Variants in SHROOM3 observed in about 807,000 individuals in gnomAD.
The protein encoded by SHROOM3 is protein Shroom3.
In SHROOM3, 47 loss-of-function variants were observed where a neutral mutation model predicts 138.6. That is an observed-to-expected ratio of 0.34 (90% CI 0.27 to 0.43). The LOEUF (loss-of-function observed/expected upper bound fraction) is 0.43. Among genes scored for constraint, SHROOM3 ranks in the 20% least tolerant of loss-of-function variants. The pLI is 1.00. For synonymous variants in SHROOM3, 1,062 were observed against 1,063.3 expected, an observed-to-expected ratio of 1.00 and a Z score of 0.02; for missense variants, 2,491 against 2,596.5, an observed-to-expected ratio of 0.96 and a Z score of 0.88.
At chr4:76,439,918 C>A (rs1437053153) in intron 1 of SHROOM3, among the ~76,000 whole-genome samples, 2 of 152,132 alleles carry the variant, frequency 1.3e-5, no homozygotes, top group Non-Finnish European at 2.9e-5. Context: ...GTGGAAAGCG[C>A]CTCTGTAATC....
chr4:76,735,854 AAAAAAAAAAAAAAAATATATATAT>A (rs1212896543), intron 4 of SHROOM3, among the ~76,000 whole-genome samples: 4 of 56,726 alleles, frequency 7.1e-5, no homozygotes, highest in African/African-American at 2.6e-4. Context: ...AAAAAAAAAA[AAAAAAAAAAAAAAAATATATATAT>A]ATATATATAT....
At chr4:76,687,142 TTAAAA>T (rs1437999479) in intron 2 of SHROOM3, among the ~76,000 whole-genome samples, 1 of 152,224 alleles carries the variant, frequency 6.6e-6, no homozygotes, top group Non-Finnish European at 1.5e-5. Context: ...ATTAAAATAT[TTAAAA>T]TAAAAACTTT....
chr4:76,720,985 G>A (rs183165907), intron 3 of SHROOM3, among the ~76,000 whole-genome samples: 2 of 152,010 alleles, frequency 1.3e-5, no homozygotes, highest in Admixed American at 6.5e-5. Context: ...GTGAAAGGGG[G>A]CAATTTAGCA....
At chr4:76,584,662 G>GGTCT (rs2110045519) in intron 2 of SHROOM3, among the ~76,000 whole-genome samples, 2 of 152,284 alleles carry the variant, frequency 1.3e-5, no homozygotes, top group Non-Finnish European at 2.9e-5. Context: ...GATGAGCTCT[G>GGTCT]GTCTGCAGCA....
chr4:76,650,273 AAG>A (rs1211616527), intron 2 of SHROOM3, among the ~76,000 whole-genome samples: 1 of 152,170 alleles, frequency 6.6e-6, no homozygotes, highest in Non-Finnish European at 1.5e-5. Context: ...TCATATTCAA[AAG>A]ACAGGCAATG....
intron 2 of SHROOM3, among the ~76,000 whole-genome samples, chr4:76,625,131 A>C (rs1025056797): frequency 2.0e-5 from 3 of 152,238 alleles, no homozygotes; most frequent in African/African-American, 7.2e-5. Flanking sequence ...TGATCAGCCA[A>C]ATCTTTGCTT....
intron 6 of SHROOM3, among the ~76,000 whole-genome samples, chr4:76,749,643 G>C (rs1003766335): frequency 1.3e-5 from 2 of 152,148 alleles, no homozygotes; most frequent in African/African-American, 4.8e-5. Flanking sequence ...AAGGCAAACT[G>C]TAAGCATCGG....
chr4:76,778,826 A>G lies in SHROOM3; in HGVS notation c.5640A>G (p.Lys1880=). ...CCTGGCAGAGCTCTCTTTACGAGAAAAGGAAGATCCTGGCTGGTCAGCATG... is the reference window on the plus strand; with the variant it reads ...CCTGGCAGAGCTCTCTTTACGAGAAGAGGAAGATCCTGGCTGGTCAGCATG... The part of the protein sequence containing the change: ...SNEERSSLYE[K]RKILAGQHED... Residue 1880 remains lysine (K), a synonymous_variant, in exon 11 of 11, where the codon AAA becomes AAG. Transcript: ENST00000296043. 1 of 1,612,348 alleles carries G rather than the reference A, an allele frequency of 6.2e-7. No homozygotes were observed.
intron 6 of SHROOM3, among the ~76,000 whole-genome samples, chr4:76,750,935 C>T (rs1721602066): frequency 6.6e-6 from 1 of 152,076 alleles, no homozygotes; most frequent in Non-Finnish European, 1.5e-5. Flanking sequence ...AGCATAGGTG[C>T]AGCTGCATGC....
At position 76,608,203 on chromosome 4, in the gene SHROOM3, A is replaced by G. The variant is rs1394899385; in HGVS notation, c.323+52440A>G. Among the ~76,000 whole-genome samples, 3 of 152,188 alleles carry G rather than the reference A, an allele frequency of 2.0e-5. No homozygotes were observed. In the East Asian group the frequency reaches 5.8e-4, roughly 29 times the overall value. On this transcript the variant is annotated intron_variant, in intron 2 of 10. Transcript: ENST00000296043. ...TACACAACCTTGGGAAGAAGGCACA[A>G]CACTTGCCTAATCTACCAAAGCACA...
intron 1 of SHROOM3, among the ~76,000 whole-genome samples, chr4:76,478,675 C>T (rs1368514408): frequency 6.6e-6 from 1 of 152,184 alleles, no homozygotes; most frequent in African/African-American, 2.4e-5. Flanking sequence ...CCCCTTGCCT[C>T]CTGACTGGGA....
In SHROOM3 at chr4:76,778,904, G is replaced by T; in HGVS notation, c.5718G>T (p.Leu1906=). The T allele has an allele frequency of 2.5e-6, 4 of 1,613,612 alleles. No individual in the cohort carries two copies. The highest frequency in any genetic ancestry group is 3.4e-6 in the Non-Finnish European group (4 of 1,180,042). The part of the protein sequence containing the change: ...ENLDRRERVV[L]GILANYLSEE... The stretch of plus-strand genomic sequence containing the variant: ...TGGATCGCAGGGAGCGAGTAGTGCT[G>T]GGCATCTTGGCCAATTACCTTTCAG... Residue 1906 remains leucine, a synonymous_variant, in exon 11 of 11, where the codon CTG becomes CTT. Transcript: ENST00000296043.
chr4:76,522,738 A>AT (rs1222409536), intron 1 of SHROOM3, among the ~76,000 whole-genome samples: 1 of 152,208 alleles, frequency 6.6e-6, no homozygotes. Context: ...CAGTGAGCTA[A>AT]TATCGTGCCA....
chr4:76,597,180 A>G (rs1285334276), intron 2 of SHROOM3, among the ~76,000 whole-genome samples: 2 of 152,214 alleles, frequency 1.3e-5, no homozygotes, highest in African/African-American at 4.8e-5. Flanking sequence ...AAATGACTTT[A>G]TTTCAGATAT....
At chr4:76,732,762 C>T (rs1374070194) in intron 4 of SHROOM3, among the ~76,000 whole-genome samples, 1 of 152,192 alleles carries the variant, frequency 6.6e-6, no homozygotes, top group African/African-American at 2.4e-5. Context: ...TAAGTCAGAC[C>T]TAGGTTTAAA....
intron 3 of SHROOM3, among the ~76,000 whole-genome samples, chr4:76,726,312 CATCCTT>C (rs1372015488): frequency 6.6e-6 from 1 of 152,084 alleles, no homozygotes; most frequent in Admixed American, 6.5e-5. Context: ...CTCAGAGACT[CATCCTT>C]AAATCATTTC....
At chr4:76,622,084 G>T (rs771943967) in intron 2 of SHROOM3, among the ~76,000 whole-genome samples, 1 of 151,952 alleles carries the variant, frequency 6.6e-6, no homozygotes, top group Non-Finnish European at 1.5e-5. Flanking sequence ...ACCCACCTCG[G>T]CCTCCCAAAG....
chr4:76,466,681 C>A (rs1328106590), intron 1 of SHROOM3, among the ~76,000 whole-genome samples: 4 of 152,016 alleles, frequency 2.6e-5, no homozygotes, highest in Admixed American at 6.6e-5. Context: ...GTAATAGTAG[C>A]AATAAGTCTA....
chr4:76,674,128 C>T (rs934532460), intron 2 of SHROOM3, among the ~76,000 whole-genome samples: 1 of 152,160 alleles, frequency 6.6e-6, no homozygotes, highest in Non-Finnish European at 1.5e-5. Context: ...CCCACCTCTA[C>T]TTCCCAAAGT....
Sources: allele counts gnomAD v4.1 joint callset (sites outside exome capture counted in the v4.1 genomes callset), GRCh38; gene constraint gnomAD v4.1.1; transcripts MANE v1.5; gene names NCBI Gene and HGNC (gene_info 2026-07-23, HGNC 2026-07-21).